Variants in R3HDM1 observed in about 807,000 individuals in gnomAD.
The protein encoded by R3HDM1 is R3H domain containing 1, also known as R3H domain-containing protein 1.
R3HDM1 carries 46 observed loss-of-function variants against 141.1 expected under a neutral mutation model. The ratio of observed to expected loss-of-function variants is 0.33; its 90% CI spans 0.26 to 0.42. The LOEUF (loss-of-function observed/expected upper bound fraction) is 0.42, where lower values mean the gene tolerates loss of function less well. Among genes scored for constraint, R3HDM1 ranks in the 10% least tolerant of loss-of-function variants. The pLI is 1.00. For synonymous variants in R3HDM1, 435 were observed against 472.9 expected, an observed-to-expected ratio of 0.92 and a Z score of 1.04; for missense variants, 1,184 against 1,368.3, an observed-to-expected ratio of 0.87 and a Z score of 2.12.
chr2:135,642,351 G>C (rs1460482254), intron 15 of R3HDM1, among the ~76,000 whole-genome samples: 2 of 152,052 alleles, frequency 1.3e-5, no homozygotes, highest in Admixed American at 1.3e-4. Flanking sequence ...TTTGCAATTA[G>C]CTAATAGTAA....
chr2:135,616,519 A>G (rs538096029), intron 4 of R3HDM1, 149 bp from the exon 5 acceptor site: 1 of 653,488 alleles, frequency 1.5e-6, no homozygotes, highest in South Asian at 2.4e-5. Flanking sequence ...GGCCTTCAGT[A>G]GTGTTTAATG....
At chr2:135,599,627 A>G (rs1272752818) in intron 1 of R3HDM1, among the ~76,000 whole-genome samples, 1 of 152,202 alleles carries the variant, frequency 6.6e-6, no homozygotes, top group African/African-American at 2.4e-5. Context: ...TGAGAAGTGT[A>G]GGCTTCATGG....
At chr2:135,531,776 G>C in intron 1 of R3HDM1, 143 bp downstream of exon 1, 1 of 985,690 alleles carries the variant, frequency 1.0e-6, no homozygotes, top group Non-Finnish European at 1.2e-6. Flanking sequence ...GGCCTTCCCC[G>C]CCGGGTCGTC....
intron 18 of R3HDM1, among the ~76,000 whole-genome samples, chr2:135,654,103 A>G (rs925056756): frequency 1.3e-5 from 2 of 152,090 alleles, no homozygotes; most frequent in Non-Finnish European, 2.9e-5. Context: ...AGGAAACCCC[A>G]TATCTGTTAG....
At chr2:135,718,873 C>T (rs575034612) in intron 24 of R3HDM1, among the ~76,000 whole-genome samples, 4 of 152,242 alleles carry the variant, frequency 2.6e-5, no homozygotes, top group East Asian at 1.9e-4. Flanking sequence ...AAAGGCTATG[C>T]GCAGTGGCTC....
intron 1 of R3HDM1, among the ~76,000 whole-genome samples, chr2:135,594,606 C>T (rs1710139792): frequency 6.6e-6 from 1 of 152,194 alleles, no homozygotes; most frequent in African/African-American, 2.4e-5. Flanking sequence ...TCTCTTCTAG[C>T]AAATAGGTTC....
Position 135,621,556 on chromosome 2 carries a change from A to C in R3HDM1, c.366A>C (p.Glu122Asp). The C allele has an allele frequency of 1.2e-6, 2 of 1,603,618 alleles. No individual in the cohort carries two copies. Among genetic ancestry groups the C allele is most frequent in the Non-Finnish European group, 1.7e-6 (2 of 1,174,814 alleles). ...FEKEEKPSKDEAEKEKASDKL... is the reference protein window; with the variant it reads ...FEKEEKPSKDDAEKEKASDKL... The stretch of plus-strand genomic sequence containing the variant: ...AAGAAGAGAAGCCCTCAAAAGATGA[A>C]GCAGAAAAAGAAAAGGCCAGTGATA... The change falls in exon 6 of 27, where the codon GAA (glutamate) becomes GAC (aspartate). Residue 122 changes from glutamate (E) to aspartate (D), a missense_variant. Physicochemically the swap from Glu to Asp is conservative, Grantham distance 45. Coordinates refer to ENST00000683871, the MANE Select transcript of R3HDM1 (RefSeq NM_001378107.1).
rs532716423 is a variant in R3HDM1, at chr2:135,577,110, A to G, written c.-249-25390A>G. 232 of 963,948 alleles carry G rather than the reference A, an allele frequency of 2.4e-4. No homozygotes were observed. The East Asian group carries it at 7.1e-3, about 30-fold the overall frequency. 59.7% of individuals were successfully genotyped at this position (963,948 alleles called of 1,614,324 possible). ...TTAAAGAGAGAGAAAAAAAGACCAT[A>G]TAAGAAAACCCATGTTTTCTTATTT... is the stretch of plus-strand genomic sequence containing the variant. On this transcript the variant is annotated intron_variant, in intron 1 of 26. Coordinates refer to ENST00000683871, the MANE Select transcript of R3HDM1 (RefSeq NM_001378107.1).
At chr2:135,551,669 G>C (rs61012356) in intron 1 of R3HDM1, among the ~76,000 whole-genome samples, 24,735 of 152,142 alleles carry the variant, frequency 0.16, 5,540 homozygotes, top group African/African-American at 0.51. Context: ...TAGTTTTGTC[G>C]TTTTACATTG....
At chr2:135,669,203 C>G (rs754562563) in intron 19 of R3HDM1, 4 of 985,188 alleles carry the variant, frequency 4.1e-6, no homozygotes, top group Non-Finnish European at 3.6e-6. Context: ...ACGCATCTTG[C>G]GGGTAGTGGA....
chr2:135,622,814 T>G, intron 7 of R3HDM1, 82 bp downstream of exon 7: 2 of 1,416,982 alleles, frequency 1.4e-6, no homozygotes, highest in South Asian at 1.6e-5. Context: ...TGAGTTAGAG[T>G]AATAGAATAA....
chr2:135,701,300 G>A (rs944990817), intron 21 of R3HDM1, among the ~76,000 whole-genome samples: 21 of 151,628 alleles, frequency 1.4e-4, no homozygotes, highest in Admixed American at 2.6e-4. Flanking sequence ...CTACTTGGGA[G>A]ACTGACCTGA....
At chr2:135,667,901 T>C (rs1391758618) in intron 19 of R3HDM1, 1 of 400,528 alleles carries the variant, frequency 2.5e-6, no homozygotes, top group Non-Finnish European at 3.4e-6. Flanking sequence ...TAGGTGTCAC[T>C]CTGTAACGGT....
chr2:135,715,804 A>T, intron 24 of R3HDM1, 110 bp downstream of exon 24: 2 of 1,306,746 alleles, frequency 1.5e-6, no homozygotes, highest in Non-Finnish European at 2.1e-6. Context: ...ATAGAGCTGC[A>T]TCTTCACCTA....
chr2:135,666,826 C>T (rs1488877913), intron 19 of R3HDM1, among the ~76,000 whole-genome samples: 1 of 151,098 alleles, frequency 6.6e-6, no homozygotes, highest in Admixed American at 6.6e-5. Flanking sequence ...GTGCCACAGA[C>T]AGAAGCCCAA....
Position 135,699,036 on chromosome 2 carries a change from TAGATA to T in R3HDM1, c.2460-10396_2460-10392del, listed in dbSNP as rs1559466049. 2.6e-3 allele frequency among the ~76,000 whole-genome samples: 284 copies of T among 108,422 alleles called. 7 individuals are homozygous for T. In the East Asian group the frequency reaches 0.052, roughly 20 times the overall value. The allele number at this position is 108,422 out of a possible 152,430, so 71.1% of individuals were successfully genotyped here. A position where few individuals can be genotyped will look rare whatever the true frequency, so the allele number is the denominator to read the frequency against. On this transcript the variant is annotated intron_variant, in intron 21 of 26. Transcript: ENST00000683871. ...ATAGATAGATAGATAGATAGATAGA[TAGATA>T]GATAAGATAGATAAGATAGATTGAT...
intron 21 of R3HDM1, among the ~76,000 whole-genome samples, chr2:135,683,620 T>C (rs1482103756): frequency 6.6e-6 from 1 of 151,948 alleles, no homozygotes; most frequent in Non-Finnish European, 1.5e-5. Context: ...ATTAACTGAT[T>C]AATTTTTTAA....
At chr2:135,649,847 T>C in intron 16 of R3HDM1, 55 bp from the exon 17 acceptor site, 2 of 1,044,398 alleles carry the variant, frequency 1.9e-6, no homozygotes, top group Non-Finnish European at 1.2e-6. Flanking sequence ...TTTATGCAAT[T>C]CTTCTAACGT....
intron 1 of R3HDM1, among the ~76,000 whole-genome samples, chr2:135,543,605 AT>A (rs1559090940): frequency 1.3e-5 from 2 of 152,182 alleles, no homozygotes; most frequent in African/African-American, 4.8e-5. Context: ...ATTTTAAAAA[AT>A]ATTTAATGAT....
Sources: gnomAD v4.1 joint callset for allele counts (sites outside exome capture counted in the v4.1 genomes callset) on GRCh38, gnomAD v4.1.1 for gene constraint, MANE v1.5 for transcripts, NCBI Gene and HGNC (gene_info 2026-07-23, HGNC 2026-07-21) for gene names.